The following ADCY3 variants were observed in gnomAD, a reference collection of about 807,000 sequenced individuals.
ADCY3 encodes the protein adenylate cyclase type 3.
ADCY3 carries 70 observed loss-of-function variants against 119.4 expected under a neutral mutation model. The observed-to-expected ratio is 0.59, with a 90% CI of 0.48 to 0.72. The LOEUF (loss-of-function observed/expected upper bound fraction) is 0.72, where lower values mean the gene tolerates loss of function less well. Among genes scored for constraint, ADCY3 ranks in the 30% least tolerant of loss-of-function variants. The pLI, the probability that ADCY3 is intolerant of heterozygous loss-of-function variation, is 0.00. For missense variants in ADCY3, 1,238 were observed against 1,541.6 expected, an observed-to-expected ratio of 0.80 and a Z score of 3.30; for synonymous variants, 672 against 621.4, an observed-to-expected ratio of 1.08 and a Z score of -1.21.
intron 7 of ADCY3, 157 bp from the exon 8 acceptor site, chr2:24,838,779 C>A: frequency 1.3e-6 from 2 of 1,593,926 alleles, no homozygotes; most frequent in Admixed American, 3.4e-5. Flanking sequence ...CTGCCACTAA[C>A]TAGCTGTGTG....
chr2:24,863,425 C>G (rs138741001), intron 3 of ADCY3, among the ~76,000 whole-genome samples: 233 of 152,348 alleles, frequency 1.5e-3, no homozygotes, highest in Admixed American at 3.7e-3. Flanking sequence ...ACAGGCTCTC[C>G]TTGCTCTTAC....
chr2:24,826,775 G>T (rs1490166390), intron 15 of ADCY3: 1 of 152,318 alleles, frequency 6.6e-6, no homozygotes, highest in Non-Finnish European at 1.5e-5. Flanking sequence ...ATATACACAC[G>T]TCTGCGTGGG....
intron 13 of ADCY3, among the ~76,000 whole-genome samples, chr2:24,829,681 C>T (rs1669186808): frequency 6.6e-6 from 1 of 151,892 alleles, no homozygotes; most frequent in South Asian, 2.1e-4. Context: ...CTTGGCCTCC[C>T]AAAGTGCTGG....
chr2:24,849,103 TC>T (rs1485048907), intron 3 of ADCY3, among the ~76,000 whole-genome samples: 1 of 152,184 alleles, frequency 6.6e-6, no homozygotes, highest in Non-Finnish European at 1.5e-5. Flanking sequence ...CGTGCTGGCC[TC>T]CCTCCCAGCC....
At chr2:24,893,886 G>C (rs1303024369) in intron 2 of ADCY3, among the ~76,000 whole-genome samples, 1 of 152,162 alleles carries the variant, frequency 6.6e-6, no homozygotes, top group Non-Finnish European at 1.5e-5. Flanking sequence ...TTACAAGCGT[G>C]AGCCACTGCC....
intron 2 of ADCY3, among the ~76,000 whole-genome samples, chr2:24,880,226 T>A (rs942334665): frequency 2.0e-5 from 3 of 152,252 alleles, no homozygotes; most frequent in African/African-American, 7.2e-5. Flanking sequence ...CCAGCCCATC[T>A]GACATGTTAG....
chr2:24,822,704 C>G (rs1667960445), intron 18 of ADCY3, 74 bp from the exon 19 acceptor site: 1 of 1,579,646 alleles, frequency 6.3e-7, no homozygotes, highest in African/African-American at 1.3e-5. Context: ...ACAGATGTAC[C>G]TGTTTACAAG....
intron 13 of ADCY3, among the ~76,000 whole-genome samples, chr2:24,830,120 A>T (rs1669264355): frequency 6.8e-6 from 1 of 146,556 alleles, no homozygotes; most frequent in South Asian, 2.2e-4. Context: ...GGCTCACTGC[A>T]ACCTCCGCCT....
intron 19 of ADCY3, 136 bp downstream of exon 19, chr2:24,822,375 T>C (rs3179014): frequency 8.1e-7 from 1 of 1,241,824 alleles, no homozygotes. Context: ...TTCTTATTTA[T>C]ATTTACGTGG....
At position 24,863,073 on chromosome 2, in the gene ADCY3, T is replaced by C. The variant is rs564152643; in HGVS notation, c.825+9497A>G. ...AACATGGCTAGGACACTCTCAAATATCAGGACCAAAAAAAAGGCTTGAAGG... is the reference window on the plus strand; with the variant it reads ...AACATGGCTAGGACACTCTCAAATACCAGGACCAAAAAAAAGGCTTGAAGG... On this transcript the variant is annotated intron_variant, in intron 3 of 21. Transcript: ENST00000679454. Among the ~76,000 whole-genome samples, 4 of 152,238 alleles carry C rather than the reference T, an allele frequency of 2.6e-5. No homozygotes were observed. The South Asian group carries it at 8.3e-4, about 32-fold the overall frequency.
intron 2 of ADCY3, among the ~76,000 whole-genome samples, chr2:24,902,034 CTGTG>C (rs57980321): frequency 0.087 from 10,647 of 122,176 alleles, 490 homozygotes; most frequent in East Asian, 0.17. Flanking sequence ...CATTTTAACT[CTGTG>C]TGTGTGTGTG....
In ADCY3 at chr2:24,820,281, C is replaced by T. The variant is rs114621898; in HGVS notation, c.3253-167G>A. On this transcript the variant is annotated intron_variant, in intron 21 of 21. Coordinates refer to ENST00000679454, the MANE Select transcript of ADCY3 (RefSeq NM_004036.5). ...AAGCCCTTCCACCCGTGGCGAGCAG[C>T]GGGTGGGAAGGAGAACCCTGGAGTG... is the stretch of plus-strand genomic sequence containing the variant. The T allele has an allele frequency of 7.0e-3, 8,653 of 1,243,704 alleles. 344 individuals are homozygous for T. The African/African-American group carries it at 0.11, about 15-fold the overall frequency. 77.0% of individuals were successfully genotyped at this position (1,243,704 alleles called of 1,614,324 possible). A position where few individuals can be genotyped will look rare whatever the true frequency, so the allele number is the denominator to read the frequency against.
intron 3 of ADCY3, among the ~76,000 whole-genome samples, chr2:24,860,043 G>A (rs1367529282): frequency 1.3e-5 from 2 of 152,198 alleles, no homozygotes; most frequent in Admixed American, 6.5e-5. Context: ...CACAGGACGC[G>A]TGTGAAGGAA....
At chr2:24,830,894 C>T in intron 12 of ADCY3, 69 bp from the exon 13 acceptor site, 2 of 1,249,874 alleles carry the variant, frequency 1.6e-6, no homozygotes, top group East Asian at 4.7e-5. Context: ...TGACTGACAG[C>T]AACTCAGGCT....
chr2:24,865,339 G>A (rs1674143342), intron 3 of ADCY3, among the ~76,000 whole-genome samples: 1 of 152,072 alleles, frequency 6.6e-6, no homozygotes, highest in Non-Finnish European at 1.5e-5. Flanking sequence ...CAGCTACTTG[G>A]GAGGCTGAGG....
Position 24,821,647 on chromosome 2 carries a change from C to G in ADCY3, c.3004-7G>C. On this transcript the variant is annotated splice_polypyrimidine_tract_variant and splice_region_variant and intron_variant, in intron 19 of 21. Transcript: ENST00000679454. ...CTCTCTCGGACTTGTCTTCCTGTGC[C>G]AGGGGACCGTGGAGAAAGTGTCAGG... 3 of 1,613,692 alleles carry G rather than the reference C, an allele frequency of 1.9e-6. No individual in the cohort carries two copies. Among genetic ancestry groups the G allele is most frequent in the Non-Finnish European group, 2.5e-6 (3 of 1,179,826 alleles).
At chr2:24,906,285 C>G (rs974455063) in intron 2 of ADCY3, among the ~76,000 whole-genome samples, 1 of 122,392 alleles carries the variant, frequency 8.2e-6, no homozygotes, top group African/African-American at 4.1e-5. Flanking sequence ...CCAGCCTAGG[C>G]GAGAGAGTGA....
intron 2 of ADCY3, among the ~76,000 whole-genome samples, chr2:24,913,884 T>G (rs968011864): frequency 1.3e-5 from 2 of 152,198 alleles, no homozygotes; most frequent in African/African-American, 4.8e-5. Flanking sequence ...GCCTTTCTGC[T>G]CTGAAGTAAG....
At chr2:24,826,345 T>C in intron 15 of ADCY3, 1 of 538,300 alleles carries the variant, frequency 1.9e-6, no homozygotes, top group South Asian at 2.4e-5. Flanking sequence ...TGGCCCCTCC[T>C]GGCTGCACCT....
Sources: allele counts gnomAD v4.1 joint callset (sites outside exome capture counted in the v4.1 genomes callset), GRCh38; gene constraint gnomAD v4.1.1; transcripts MANE v1.5; gene names NCBI Gene and HGNC (gene_info 2026-07-23, HGNC 2026-07-21).